The following USP14 variants were observed in gnomAD, a reference collection of about 807,000 sequenced individuals.
The protein encoded by USP14 is ubiquitin carboxyl-terminal hydrolase 14.
Under a neutral mutation model 76.5 loss-of-function variants are expected in USP14, and 38 were observed. The observed-to-expected ratio is 0.50, with a 90% CI of 0.38 to 0.65. USP14 has a LOEUF of 0.65. Among genes scored for constraint, USP14 ranks in the 30% least tolerant of loss-of-function variants. The pLI is 0.00. For synonymous variants in USP14, 192 were observed against 191.7 expected, an observed-to-expected ratio of 1.00 and a Z score of -0.01; for missense variants, 467 against 586.5, an observed-to-expected ratio of 0.80 and a Z score of 2.10.
At chr18:160,031 G>T (rs967848797) in intron 1 of USP14, among the ~76,000 whole-genome samples, 2 of 152,142 alleles carry the variant, frequency 1.3e-5, no homozygotes, top group African/African-American at 4.8e-5. Flanking sequence ...GTCTGAGCGC[G>T]GTGGCTCACG....
chr18:189,926 C>G (rs1910040486), intron 5 of USP14, among the ~76,000 whole-genome samples: 1 of 152,174 alleles, frequency 6.6e-6, no homozygotes, highest in Non-Finnish European at 1.5e-5. Context: ...CCTCACAGAT[C>G]TTAATCACTA....
chr18:208,521 A>G (rs1910587713), intron 13 of USP14, among the ~76,000 whole-genome samples: 1 of 152,014 alleles, frequency 6.6e-6, no homozygotes, highest in Admixed American at 6.6e-5. Flanking sequence ...GCCTTGTGAT[A>G]TAAATTTCCC....
At chr18:186,320 G>T (rs981630944) in intron 5 of USP14, among the ~76,000 whole-genome samples, 1 of 152,158 alleles carries the variant, frequency 6.6e-6, no homozygotes, top group Non-Finnish European at 1.5e-5. Context: ...GCTGAGTGTG[G>T]TGGTGTGCAC....
chr18:176,483 G>A (rs1909631545), intron 3 of USP14, among the ~76,000 whole-genome samples: 1 of 152,030 alleles, frequency 6.6e-6, no homozygotes, highest in Admixed American at 6.6e-5. Context: ...TCTAGCTTAA[G>A]GTAGAAGCTT....
intron 5 of USP14, 80 bp from the exon 6 acceptor site, chr18:192,762 C>A: frequency 7.3e-7 from 1 of 1,368,244 alleles, no homozygotes. Context: ...GTCATAAGAA[C>A]TCCTTTTAAC....
At position 198,140 on chromosome 18, in the gene USP14, T is replaced by A; in HGVS notation, c.761+8T>A. 6.3e-7 allele frequency: 1 copy of A among 1,599,874 alleles called. No homozygotes were observed. The highest frequency in any genetic ancestry group is 8.5e-7 in the Non-Finnish European group (1 of 1,171,370). On this transcript the variant is annotated splice_region_variant and intron_variant, in intron 9 of 15. Transcript: ENST00000261601. ...TGTTGAGTTTGAAACTACGTATCCT[T>A]ATGAGCCAAGATATAGACTATACTC...
At chr18:172,582 T>G (rs1244440076) in intron 3 of USP14, among the ~76,000 whole-genome samples, 1 of 152,116 alleles carries the variant, frequency 6.6e-6, no homozygotes, top group Non-Finnish European at 1.5e-5. Context: ...GCAGGTTTCA[T>G]TGTTGTCTCA....
chr18:171,612 G>A (rs527665220), intron 3 of USP14, among the ~76,000 whole-genome samples: 1 of 152,308 alleles, frequency 6.6e-6, no homozygotes, highest in South Asian at 2.1e-4. Flanking sequence ...TAAACGAGAT[G>A]AATGTTGTTT....
At chr18:176,935 AT>A (rs1215951610) in intron 3 of USP14, among the ~76,000 whole-genome samples, 1 of 151,930 alleles carries the variant, frequency 6.6e-6, no homozygotes, top group African/African-American at 2.4e-5. Context: ...TTTTTCAGAA[AT>A]TTCTTAGCTA....
At chr18:190,172 GTTA>G (rs568654781) in intron 5 of USP14, among the ~76,000 whole-genome samples, 48 of 152,124 alleles carry the variant, frequency 3.2e-4, no homozygotes, top group Middle Eastern at 6.8e-3. Flanking sequence ...GTACTACCAA[GTTA>G]TTATCCATTC....
chr18:207,828 CT>C (rs772677054), intron 13 of USP14, among the ~76,000 whole-genome samples: 2 of 152,054 alleles, frequency 1.3e-5, no homozygotes, highest in Non-Finnish European at 2.9e-5. Flanking sequence ...ATAGTTTATT[CT>C]TTTTGATGCT....
At chr18:180,376 C>A in intron 5 of USP14, 37 bp downstream of exon 5, 1 of 1,256,666 alleles carries the variant, frequency 8.0e-7, no homozygotes, top group South Asian at 1.3e-5. Flanking sequence ...GGGATGTTCA[C>A]ATTTGGATGA....
In USP14 at chr18:210,414, T is replaced by C. The variant is rs1401862992; in HGVS notation, c.1254T>C (p.Tyr418=). 1.2e-6 allele frequency: 2 copies of C among 1,609,320 alleles called. No individual in the cohort carries two copies. The highest frequency in any genetic ancestry group is 1.7e-6 in the Non-Finnish European group (2 of 1,178,246). Reference sequence around the variant, plus strand: ...TTGGCTCCAATAATTGTGGATACTATGACTTACAAGCAGTACTAACACACC... The same window carrying C: ...TTGGCTCCAATAATTGTGGATACTACGACTTACAAGCAGTACTAACACACC... ...DDIGSNNCGY[Y]DLQAVLTHQG... Residue 418 remains tyrosine (Y), a synonymous_variant, in exon 15 of 16, where the codon TAT becomes TAC. Coordinates refer to ENST00000261601, the MANE Select transcript of USP14 (RefSeq NM_005151.4).
At chr18:203,393 C>G (rs1910436591) in intron 12 of USP14, among the ~76,000 whole-genome samples, 1 of 151,878 alleles carries the variant, frequency 6.6e-6, no homozygotes, top group Non-Finnish European at 1.5e-5. Context: ...GTACACACAC[C>G]TGGCTTCTCC....
chr18:166,704 A>G (rs1196680042), intron 2 of USP14, 83 bp from the exon 3 acceptor site: 2 of 1,404,974 alleles, frequency 1.4e-6, no homozygotes, highest in Non-Finnish European at 2.0e-6. Flanking sequence ...TCTGTTTTGA[A>G]GTACATTAAA....
intron 5 of USP14, among the ~76,000 whole-genome samples, chr18:183,889 T>C (rs1425666925): frequency 6.6e-6 from 1 of 152,176 alleles, no homozygotes; most frequent in Non-Finnish European, 1.5e-5. Context: ...TTGCAAATTA[T>C]CTGAATAGGT....
intron 9 of USP14, among the ~76,000 whole-genome samples, chr18:198,801 A>T (rs905411812): frequency 3.3e-5 from 5 of 152,248 alleles, no homozygotes; most frequent in Admixed American, 2.0e-4. Context: ...TTAATTTTAT[A>T]AAAGGGTGTG....
At chr18:199,170 C>T (rs772121571) in intron 9 of USP14, 32 bp from the exon 10 acceptor site, 29 of 1,381,292 alleles carry the variant, frequency 2.1e-5, no homozygotes, top group African/African-American at 1.4e-4. Flanking sequence ...ATTGAATACC[C>T]GTTGGCATAT....
In USP14 at chr18:173,417, G is replaced by A. The variant is rs140652336; in HGVS notation, c.196-5516G>A. On this transcript the variant is annotated intron_variant, in intron 3 of 15. Coordinates refer to ENST00000261601, the MANE Select transcript of USP14 (RefSeq NM_005151.4). ...TGAGCCACCATGCCCGGCCTATATT[G>A]TCTGTTTTTTTGAGACGGAGTTCCG... 7.0e-4 allele frequency among the ~76,000 whole-genome samples: 96 copies of A among 137,560 alleles called. 1 individual carries two copies. In the East Asian group the frequency reaches 0.02, roughly 29 times the overall value. The allele number at this position is 137,560 out of a possible 152,430, so 90.2% of individuals were successfully genotyped here. A position where few individuals can be genotyped will look rare whatever the true frequency, so the allele number is the denominator to read the frequency against.
Sources: gnomAD v4.1 joint callset for allele counts (sites outside exome capture counted in the v4.1 genomes callset) on GRCh38, gnomAD v4.1.1 for gene constraint, MANE v1.5 for transcripts, NCBI Gene and HGNC (gene_info 2026-07-23, HGNC 2026-07-21) for gene names.